The following ZNF43 variants were observed in gnomAD, a reference collection of about 807,000 sequenced individuals.
ZNF43 encodes the protein zinc finger protein 39-like 1 (KOX 27).
A neutral mutation model predicts 68.4 loss-of-function variants in ZNF43; 44 were observed. The observed-to-expected ratio is 0.64, with a 90% CI of 0.51 to 0.83. The LOEUF (loss-of-function observed/expected upper bound fraction) is 0.83. Among genes scored for constraint, ZNF43 ranks in the 40% least tolerant of loss-of-function variants. ZNF43 has a pLI of 0.00. For synonymous variants in ZNF43, 308 were observed against 307.8 expected, an observed-to-expected ratio of 1.00 and a Z score of -0.01; for missense variants, 896 against 933.2, an observed-to-expected ratio of 0.96 and a Z score of 0.52.
intron 1 of ZNF43, among the ~76,000 whole-genome samples, chr19:21,835,258 A>G (rs1430791587): frequency 1.3e-5 from 2 of 150,510 alleles, no homozygotes; most frequent in South Asian, 2.1e-4. Flanking sequence ...TCAAAAAAAA[A>G]AAAAAAAAGA....
At chr19:21,847,969 C>G (rs950177220) in intron 1 of ZNF43, among the ~76,000 whole-genome samples, 1 of 151,452 alleles carries the variant, frequency 6.6e-6, no homozygotes, top group African/African-American at 2.4e-5. Flanking sequence ...ACTACAGGCA[C>G]ACACCACCAT....
At chr19:21,843,769 C>T (rs1967706009) in intron 1 of ZNF43, among the ~76,000 whole-genome samples, 2 of 151,908 alleles carry the variant, frequency 1.3e-5, no homozygotes, top group Non-Finnish European at 2.9e-5. Flanking sequence ...GCAACAAGAG[C>T]GAAACTCGGT....
intron 1 of ZNF43, among the ~76,000 whole-genome samples, chr19:21,850,477 T>C (rs373258241): frequency 6.6e-6 from 1 of 151,940 alleles, no homozygotes; most frequent in African/African-American, 2.4e-5. Flanking sequence ...GGAGAATCAT[T>C]TGAACCTGGG....
At position 21,817,957 on chromosome 19, in the gene ZNF43, T is replaced by TTG. The variant is rs1462964197; in HGVS notation, c.159_160insCA (p.Thr54GlnfsTer14). The TTG allele has an allele frequency of 6.2e-7, 1 of 1,613,468 alleles. No homozygotes were observed. The highest frequency in any genetic ancestry group is 1.1e-5 in the South Asian group (1 of 91,078). On this transcript the variant is annotated frameshift_variant, in exon 3 of 4. Coordinates refer to ENST00000354959, the MANE Select transcript of ZNF43 (RefSeq NM_003423.4). LOFTEE classifies it high-confidence loss of function. ...GGCTCTTTTTCTTGCTCCAGACAGGTGATCAGGTCTGGCTTAGAGACAGCA... is the reference window on the plus strand; with the variant it reads ...GGCTCTTTTTCTTGCTCCAGACAGGTTGGATCAGGTCTGGCTTAGAGACAGCA...
rs1257233024 is a variant in ZNF43 at position 21,806,834 on chromosome 19, A to G, written c.*773T>C. 1.3e-5 allele frequency: 2 copies of G among 152,192 alleles called. No homozygotes were observed. Among genetic ancestry groups the G allele is most frequent in the African/African-American group, 4.8e-5 (2 of 41,446 alleles). The allele number at this position is 152,192 out of a possible 1,614,324, so 9.4% of individuals were successfully genotyped here. A position where few individuals can be genotyped will look rare whatever the true frequency, so the allele number is the denominator to read the frequency against. On this transcript the variant is annotated 3_prime_UTR_variant, in exon 4 of 4. Transcript: ENST00000354959. ...AAGTGTCCGCGCCTTAGATATTTCTACTGTGAATTCTCAGATATTTACATA... is the reference window on the plus strand; with the variant it reads ...AAGTGTCCGCGCCTTAGATATTTCTGCTGTGAATTCTCAGATATTTACATA...
intron 1 of ZNF43, among the ~76,000 whole-genome samples, chr19:21,844,916 AAAAAAATAT>A (rs1241461680): frequency 6.1e-5 from 7 of 115,254 alleles, no homozygotes; most frequent in African/African-American, 2.9e-4. Context: ...AAAAAAAAAA[AAAAAAATAT>A]ATATATATAT....
intron 1 of ZNF43, among the ~76,000 whole-genome samples, chr19:21,833,131 C>T (rs2038503999): frequency 6.6e-6 from 1 of 152,116 alleles, no homozygotes. Context: ...TTTCCCTATT[C>T]TTTTCCTTGG....
rs2038722246 is a variant in ZNF43 at position 21,836,154 on chromosome 19, G to A, written c.-116C>T. ...AGAGGACACAGAAGAACGAAGACGAGACGCAGAGCTCCAACTGCAGCCAGA... is the reference window on the plus strand; with the variant it reads ...AGAGGACACAGAAGAACGAAGACGAAACGCAGAGCTCCAACTGCAGCCAGA... On this transcript the variant is annotated 5_prime_UTR_variant, in exon 1 of 4. Coordinates refer to ENST00000354959, the MANE Select transcript of ZNF43 (RefSeq NM_003423.4). 1 of 1,576,876 alleles carries A rather than the reference G, an allele frequency of 6.3e-7. No individual in the cohort carries two copies. The highest frequency in any genetic ancestry group is 2.2e-5 in the East Asian group (1 of 44,488).
At chr19:21,833,358 C>G (rs1039706697) in intron 1 of ZNF43, among the ~76,000 whole-genome samples, 9 of 152,128 alleles carry the variant, frequency 5.9e-5, no homozygotes, top group African/African-American at 2.2e-4. Context: ...CCTCGGCCTC[C>G]CAGGTTCAAG....
chr19:21,815,768 T>C (rs528446639), intron 3 of ZNF43, among the ~76,000 whole-genome samples: 9 of 151,808 alleles, frequency 5.9e-5, no homozygotes, highest in Non-Finnish European at 1.3e-4. Context: ...AAATAAAAAA[T>C]AGAAACTGGG....
At position 21,845,117 on chromosome 19, in the gene ZNF43, T is replaced by TGCCC. The variant is rs996649918; in HGVS notation, c.30+6787_30+6788insGGGC. Among the ~76,000 whole-genome samples the TGCCC allele has an allele frequency of 3.8e-4, 57 of 151,054 alleles. 1 individual carries two copies. Among genetic ancestry groups the TGCCC allele is most frequent in the African/African-American group, 1.2e-3 (48 of 40,990 alleles). On this transcript the variant is annotated intron_variant, in intron 1 of 3. Transcript: ENST00000357491. The stretch of plus-strand genomic sequence containing the variant: ...TGCCTTAACATCTCTTCTTGTAAGA[T>TGCCC]GGGCACGGGCAGCAAGTTACACCAC...
At chr19:21,836,834 C>T (rs531667863), upstream of ZNF43, among the ~76,000 whole-genome samples, 1 of 152,236 alleles carries the variant, frequency 6.6e-6, no homozygotes, top group South Asian at 2.1e-4. Flanking sequence ...TCAATGAATC[C>T]TACAAAGTCA....
chr19:21,821,138 ATTTTTTTTT>A (rs74174043), intron 1 of ZNF43, among the ~76,000 whole-genome samples: 67 of 118,548 alleles, frequency 5.7e-4, no homozygotes, highest in African/African-American at 2.1e-3. Flanking sequence ...CCCGGCTGTA[ATTTTTTTTT>A]TTTTTTTTTT....
At chr19:21,826,216 A>G (rs1161543299) in intron 1 of ZNF43, among the ~76,000 whole-genome samples, 3 of 152,086 alleles carry the variant, frequency 2.0e-5, no homozygotes, top group Non-Finnish European at 2.9e-5. Flanking sequence ...TACACTTTGC[A>G]GCACAATTGT....
At chr19:21,820,124 G>A (rs558468426) in intron 1 of ZNF43, among the ~76,000 whole-genome samples, 1 of 142,764 alleles carries the variant, frequency 7.0e-6, no homozygotes, top group Non-Finnish European at 1.5e-5. Flanking sequence ...GCTTGAACCC[G>A]AGAGGTGGAG....
chr19:21,833,471 T>C (rs552943361), intron 1 of ZNF43, among the ~76,000 whole-genome samples: 1 of 151,672 alleles, frequency 6.6e-6, no homozygotes, highest in Admixed American at 6.6e-5. Context: ...GATTTCACCA[T>C]GTTGGCCAGG....
intron 1 of ZNF43, among the ~76,000 whole-genome samples, chr19:21,834,109 G>C (rs770374630): frequency 6.6e-6 from 1 of 151,912 alleles, no homozygotes; most frequent in Non-Finnish European, 1.5e-5. Flanking sequence ...TGGCGGAGGC[G>C]GGTGGATCAT....
At chr19:21,819,431 A>G (rs1048094823) in intron 1 of ZNF43, among the ~76,000 whole-genome samples, 1 of 152,238 alleles carries the variant, frequency 6.6e-6, no homozygotes, top group Non-Finnish European at 1.5e-5. Flanking sequence ...GTGATGTAAG[A>G]TCCACAACAT....
At chr19:21,848,671 A>G (rs952007630) in intron 1 of ZNF43, among the ~76,000 whole-genome samples, 4 of 152,164 alleles carry the variant, frequency 2.6e-5, no homozygotes, top group Non-Finnish European at 5.9e-5. Context: ...AACTGAAATC[A>G]CTCAGGTGCT....
Sources: gnomAD v4.1 joint callset for allele counts (sites outside exome capture counted in the v4.1 genomes callset) on GRCh38, gnomAD v4.1.1 for gene constraint, MANE v1.5 for transcripts, NCBI Gene and HGNC (gene_info 2026-07-23, HGNC 2026-07-21) for gene names.